HECW1: variants seen among roughly 807,000 people sequenced by gnomAD.
HECW1 encodes E3 ubiquitin-protein ligase HECW1.
HECW1 carries 61 observed loss-of-function variants against 182.3 expected under a neutral mutation model. The observed-to-expected ratio is 0.33, with a 90% CI of 0.27 to 0.41. The LOEUF is 0.41. Ranked by LOEUF, HECW1 falls within the 10% of genes least tolerant of loss-of-function variation. The pLI is 1.00. For synonymous variants in HECW1, 859 were observed against 832.6 expected, an observed-to-expected ratio of 1.03 and a Z score of -0.55; for missense variants, 1,739 against 2,108.9, an observed-to-expected ratio of 0.82 and a Z score of 3.44.
intron 13 of HECW1, among the ~76,000 whole-genome samples, chr7:43,458,348 T>A (rs772119010): frequency 6.6e-6 from 1 of 152,206 alleles, no homozygotes; most frequent in Non-Finnish European, 1.5e-5. Flanking sequence ...CACCTTGACC[T>A]ATGGCATAAA....
chr7:43,139,528 T>A (rs922468300), intron 2 of HECW1, among the ~76,000 whole-genome samples: 3 of 152,054 alleles, frequency 2.0e-5, no homozygotes, highest in Non-Finnish European at 4.4e-5. Context: ...TATTTTCTCT[T>A]CTATAACATT....
chr7:43,412,559 C>T (rs1246237255), intron 8 of HECW1, among the ~76,000 whole-genome samples: 2 of 148,832 alleles, frequency 1.3e-5, no homozygotes, highest in African/African-American at 4.9e-5. Flanking sequence ...CCCACTAACT[C>T]GTCATCTAGC....
At chr7:43,414,173 C>A (rs1362135986) in intron 8 of HECW1, among the ~76,000 whole-genome samples, 1 of 151,290 alleles carries the variant, frequency 6.6e-6, no homozygotes, top group Non-Finnish European at 1.5e-5. Flanking sequence ...TCCTTCACAT[C>A]CCTTGTAAGT....
intron 26 of HECW1, among the ~76,000 whole-genome samples, chr7:43,546,915 G>A (rs2081587284): frequency 6.6e-6 from 1 of 152,134 alleles, no homozygotes; most frequent in African/African-American, 2.4e-5. Context: ...AGGGACCTTT[G>A]TGGTGCTTTT....
intron 2 of HECW1, chr7:43,118,918 C>T (rs1785306683): frequency 6.6e-6 from 1 of 152,140 alleles, no homozygotes; most frequent in Admixed American, 6.5e-5. Flanking sequence ...CCACATCCCC[C>T]ATGATGGATT....
At chr7:43,553,062 G>T (rs1281724758) in intron 28 of HECW1, among the ~76,000 whole-genome samples, 1 of 152,134 alleles carries the variant, frequency 6.6e-6, no homozygotes, top group Admixed American at 6.5e-5. Flanking sequence ...ATCCTGGTTT[G>T]CCACAACACG....
chr7:43,444,300 C>T lies in HECW1; in HGVS notation c.1128C>T (p.Gly376=), dbSNP rs767258153. 6.2e-7 allele frequency: 1 copy of T among 1,614,172 alleles called. No individual in the cohort carries two copies. Among genetic ancestry groups the T allele is most frequent in the African/African-American group, 1.3e-5 (1 of 75,040 alleles). Residue 376 remains glycine, a synonymous_variant, in exon 11 of 30, where the codon GGC becomes GGT. Transcript: ENST00000395891. The surrounding 1 kb of genome is among the most constrained non-coding windows in gnomAD (Gnocchi z 4.3). ...CCATGAACAACCTGATGGAAAGCGG[C>T]AGTGGGGAACCTCGGTCTGAGGCAC... ...DSPMNNLMES[G]SGEPRSEAPE...
At chr7:43,202,631 G>C (rs1242479756) in intron 2 of HECW1, among the ~76,000 whole-genome samples, 1 of 151,788 alleles carries the variant, frequency 6.6e-6, no homozygotes. Flanking sequence ...CTGCCACCAC[G>C]CCCAGCTAAT....
At chr7:43,528,427 A>G (rs1477337236) in intron 24 of HECW1, among the ~76,000 whole-genome samples, 1 of 152,168 alleles carries the variant, frequency 6.6e-6, no homozygotes, top group African/African-American at 2.4e-5. Context: ...AATCCTTATA[A>G]TCTGGGAAAA....
At position 43,318,078 on chromosome 7, in the gene HECW1, A is replaced by G. The variant is rs77906500; in HGVS notation, c.353-2557A>G. Among the ~76,000 whole-genome samples the G allele has an allele frequency of 3.0e-3, 461 of 152,338 alleles. 3 individuals carry two copies. The highest frequency in any genetic ancestry group is 0.01 in the African/African-American group (433 of 41,582). On this transcript the variant is annotated intron_variant, in intron 4 of 29. Coordinates refer to ENST00000395891, the MANE Select transcript of HECW1 (RefSeq NM_015052.5). The stretch of plus-strand genomic sequence containing the variant: ...CCCAGGGTTTAGCACTATGTCTGGA[A>G]CAGAACAAAGTACCCAATACCCATT...
At chr7:43,138,420 G>A (rs1247959884) in intron 2 of HECW1, among the ~76,000 whole-genome samples, 1 of 152,220 alleles carries the variant, frequency 6.6e-6, no homozygotes, top group South Asian at 2.1e-4. Context: ...AGCACTGCCA[G>A]TAAATTAATT....
chr7:43,179,434 G>A (rs1038861013), intron 2 of HECW1, among the ~76,000 whole-genome samples: 5 of 152,178 alleles, frequency 3.3e-5, no homozygotes, highest in African/African-American at 1.2e-4. Context: ...CAAGAGCTAG[G>A]TGTGGTACTA....
intron 7 of HECW1, among the ~76,000 whole-genome samples, chr7:43,397,759 T>A (rs1406454027): frequency 6.6e-6 from 1 of 152,138 alleles, no homozygotes; most frequent in Non-Finnish European, 1.5e-5. Flanking sequence ...ATCACAGTGG[T>A]GGAATGTCAT....
At chr7:43,488,444 G>GAAAGAAAGA (rs2078777467) in intron 17 of HECW1, among the ~76,000 whole-genome samples, 2 of 130,230 alleles carry the variant, frequency 1.5e-5, no homozygotes, top group Non-Finnish European at 3.3e-5. Context: ...GAGAAAGAAA[G>GAAAGAAAGA]AAAGAAAGAA....
In HECW1 at chr7:43,360,772, G is replaced by A; in HGVS notation, c.461-114G>A. Reference sequence around the variant, plus strand: ...GGAGCATCATTGTCGAGTGTGGCCTGGCTTGCTCGTGGGGGAATTATGTTG... The same window carrying A: ...GGAGCATCATTGTCGAGTGTGGCCTAGCTTGCTCGTGGGGGAATTATGTTG... On this transcript the variant is annotated intron_variant, in intron 5 of 29. Transcript: ENST00000395891. The A allele has an allele frequency of 6.5e-6, 5 of 768,876 alleles. No homozygotes were observed. In the South Asian group the frequency reaches 7.5e-5, roughly 11 times the overall value. 47.6% of individuals were successfully genotyped at this position (768,876 alleles called of 1,614,324 possible).
At chr7:43,114,124 C>T in intron 1 of HECW1, 33 bp from the exon 2 acceptor site, 4 of 666,906 alleles carry the variant, frequency 6.0e-6, no homozygotes, top group Non-Finnish European at 9.0e-6. Flanking sequence ...TGGTGCAATT[C>T]TCCCCTTGTT....
At chr7:43,493,024 A>C (rs1585078684) in intron 18 of HECW1, 60 bp from the exon 19 acceptor site, 1 of 1,168,882 alleles carries the variant, frequency 8.6e-7, no homozygotes, top group East Asian at 2.4e-5. Context: ...TTTTCCAATC[A>C]TCAGAGTGAT....
chr7:43,309,471 G>A (rs1033308362), intron 3 of HECW1, among the ~76,000 whole-genome samples: 2 of 152,294 alleles, frequency 1.3e-5, no homozygotes, highest in East Asian at 3.9e-4. Flanking sequence ...GACAGTTTCA[G>A]GAGAGTTCTC....
Position 43,550,541 on chromosome 7 carries a change from G to C in HECW1, c.4345G>C (p.Glu1449Gln), listed in dbSNP as rs1563117375. 3.7e-6 allele frequency: 6 copies of C among 1,611,816 alleles called. No individual in the cohort carries two copies. The highest frequency in any genetic ancestry group is 3.4e-6 in the Non-Finnish European group (4 of 1,179,094). ...YIERMVKWRV[E>Q]RGVVQQTEAL... Reference sequence around the variant, plus strand: ...CGAGCGCATGGTGAAGTGGCGGGTGGAGCGCGGCGTGGTACAGCAGACCGA... The same window carrying C: ...CGAGCGCATGGTGAAGTGGCGGGTGCAGCGCGGCGTGGTACAGCAGACCGA... The change falls in exon 27 of 30, where the codon GAG (glutamate) becomes CAG (glutamine). Residue 1449 changes from glutamate (E) to glutamine (Q), a missense_variant. This residue lies in a region of HECW1 where 420 missense variants were observed against 595.7 expected (regional missense o/e 0.71). Transcript: ENST00000395891.
Sources: allele counts gnomAD v4.1 joint callset (sites outside exome capture counted in the v4.1 genomes callset), GRCh38; gene constraint gnomAD v4.1.1; regional missense constraint gnomAD v4.1.1; non-coding constraint Gnocchi (gnomAD v3.1); transcripts MANE v1.5; gene names NCBI Gene and HGNC (gene_info 2026-07-23, HGNC 2026-07-21).